GRK5: variants seen among roughly 807,000 people sequenced by gnomAD.
GRK5 encodes G protein-coupled receptor kinase 5.
Under a neutral mutation model 78.4 loss-of-function variants are expected in GRK5, and 40 were observed. The ratio of observed to expected loss-of-function variants is 0.51; its 90% confidence interval spans 0.40 to 0.66. The LOEUF is 0.66. Among genes scored for constraint, GRK5 ranks in the 30% least tolerant of loss-of-function variants. GRK5 has a pLI of 0.00. For synonymous variants in GRK5, 289 were observed against 296.8 expected, an observed-to-expected ratio of 0.97 and a Z score of 0.27; for missense variants, 598 against 759.9, an observed-to-expected ratio of 0.79 and a Z score of 2.50.
chr10:119,274,094 A>G (rs1336467114), intron 1 of GRK5, among the ~76,000 whole-genome samples: 1 of 152,164 alleles, frequency 6.6e-6, no homozygotes. Flanking sequence ...TTGTGTCATA[A>G]GTGAGAGAGC....
chr10:119,430,564 C>A lies in GRK5; in HGVS notation c.597+126C>A. The A allele has an allele frequency of 1.3e-6, 1 of 745,592 alleles. No homozygotes were observed. The highest frequency in any genetic ancestry group is 2.2e-6 in the Non-Finnish European group (1 of 447,938). 46.2% of individuals were successfully genotyped at this position (745,592 alleles called of 1,614,324 possible). A position where few individuals can be genotyped will look rare whatever the true frequency, so the allele number is the denominator to read the frequency against. ...GGGGCACCAGTGGCTCAATGTGGGCCCCGGGGGCAGTGAGGGTGGGAGAGA... is the reference window on the plus strand; with the variant it reads ...GGGGCACCAGTGGCTCAATGTGGGCACCGGGGGCAGTGAGGGTGGGAGAGA... On this transcript the variant is annotated intron_variant, in intron 7 of 15. Coordinates refer to ENST00000392870, the MANE Select transcript of GRK5 (RefSeq NM_005308.3). The surrounding 1 kb of genome is among the most constrained non-coding windows in gnomAD (Gnocchi z 4.5).
At chr10:119,265,024 G>A (rs1176741002) in intron 1 of GRK5, among the ~76,000 whole-genome samples, 5 of 152,180 alleles carry the variant, frequency 3.3e-5, no homozygotes, top group Non-Finnish European at 7.3e-5. Context: ...GCTCACAGCG[G>A]CCTCTTTGGA....
chr10:119,451,655 C>T (rs1853290069), intron 13 of GRK5, among the ~76,000 whole-genome samples: 1 of 152,216 alleles, frequency 6.6e-6, no homozygotes, highest in Admixed American at 6.5e-5. Context: ...CTGCCCGCAC[C>T]CCTGCTTCCG....
chr10:119,382,411 A>G (rs1247486524), intron 3 of GRK5, among the ~76,000 whole-genome samples: 4 of 152,190 alleles, frequency 2.6e-5, no homozygotes, highest in African/African-American at 9.7e-5. Context: ...TAGTATTTTA[A>G]TAACTTTTTA....
intron 1 of GRK5, among the ~76,000 whole-genome samples, chr10:119,243,700 A>G (rs935330054): frequency 6.6e-6 from 1 of 151,996 alleles, no homozygotes; most frequent in Non-Finnish European, 1.5e-5. Context: ...TTCTTTTCTG[A>G]AAACCAGCAG....
chr10:119,367,754 C>T (rs144853500), intron 2 of GRK5, among the ~76,000 whole-genome samples: 240 of 152,354 alleles, frequency 1.6e-3, no homozygotes, highest in African/African-American at 4.3e-3. Context: ...TGAGTGCACA[C>T]GCCAGGGCTG....
At chr10:119,277,057 T>A (rs1004802454) in intron 1 of GRK5, among the ~76,000 whole-genome samples, 6 of 152,224 alleles carry the variant, frequency 3.9e-5, no homozygotes, top group African/African-American at 7.2e-5. Flanking sequence ...AACCTCTGAA[T>A]CATGTGACCA....
chr10:119,294,862 A>G (rs1207722008), intron 1 of GRK5, among the ~76,000 whole-genome samples: 2 of 152,122 alleles, frequency 1.3e-5, no homozygotes, highest in East Asian at 3.8e-4. Context: ...GTGGTCTGCA[A>G]AGACAAAGCC....
At chr10:119,310,462 A>T (rs1850339485) in intron 1 of GRK5, among the ~76,000 whole-genome samples, 1 of 152,212 alleles carries the variant, frequency 6.6e-6, no homozygotes, top group Non-Finnish European at 1.5e-5. Flanking sequence ...TGAAAAGTCC[A>T]TTTTTGTGGC....
rs1294575598 is a variant in GRK5, at chr10:119,452,165, A to G, written c.1405-506A>G. ...GCCAGGCTCGGTGGCCAGCACTGAC[A>G]GCAGCCCCATCGCCCAGGTGCCTCG... On this transcript the variant is annotated intron_variant, in intron 13 of 15. Coordinates refer to ENST00000392870, the MANE Select transcript of GRK5 (RefSeq NM_005308.3). The surrounding 1 kb of genome is among the most constrained non-coding windows in gnomAD (Gnocchi z 4.4). Among the ~76,000 whole-genome samples the G allele has an allele frequency of 1.3e-5, 2 of 152,200 alleles. No homozygotes were observed. The highest frequency in any genetic ancestry group is 2.9e-5 in the Non-Finnish European group (2 of 68,022).
At chr10:119,299,589 G>C (rs1248179045) in intron 1 of GRK5, among the ~76,000 whole-genome samples, 1 of 152,162 alleles carries the variant, frequency 6.6e-6, no homozygotes, top group East Asian at 1.9e-4. Flanking sequence ...TGGGATGGGG[G>C]AGTTGTCCCT....
chr10:119,443,402 G>A (rs1589813634), intron 11 of GRK5, 142 bp from the exon 12 acceptor site: 2 of 690,560 alleles, frequency 2.9e-6, no homozygotes, highest in East Asian at 5.5e-5. Flanking sequence ...AGTCATCAGG[G>A]CAAGCTCCCT....
chr10:119,394,297 T>TGTGTGTGTGTGTGTGTGGGGGG (rs1851966332), intron 3 of GRK5, among the ~76,000 whole-genome samples: 1 of 5,142 alleles, frequency 1.9e-4, no homozygotes, highest in African/African-American at 4.9e-4. Context: ...TGTGTATCTG[T>TGTGTGTGTGTGTGTGTGGGGGG]GTGTCTGTGT....
intron 2 of GRK5, among the ~76,000 whole-genome samples, chr10:119,360,041 G>C (rs1013049056): frequency 7.3e-5 from 11 of 150,622 alleles, no homozygotes; most frequent in Admixed American, 6.6e-4. Flanking sequence ...GAGGTAGAGG[G>C]AGGTGGAGGG....
At position 119,292,120 on chromosome 10, in the gene GRK5, CTCTCCTCATCTTCCTCCT is replaced by C. The variant is rs1245357919; in HGVS notation, c.53-34388_53-34371del. 1.1e-3 allele frequency among the ~76,000 whole-genome samples: 72 copies of C among 65,038 alleles called. 1 individual carries two copies. The highest frequency in any genetic ancestry group is 3.1e-3 in the African/African-American group (44 of 14,124). The allele number at this position is 65,038 out of a possible 152,430, so 42.7% of individuals were successfully genotyped here. On this transcript the variant is annotated intron_variant, in intron 1 of 15. Coordinates refer to ENST00000392870, the MANE Select transcript of GRK5 (RefSeq NM_005308.3). Reference sequence around the variant, plus strand: ...CTCTTCCTCCTTCTCCTCTTCCTCCCTCTCCTCATCTTCCTCCTTCTCCTCCTCTTCCTCCTCCTCTTC... The same window carrying C: ...CTCTTCCTCCTTCTCCTCTTCCTCCCTCTCCTCCTCTTCCTCCTCCTCTTC...
chr10:119,319,955 T>C (rs560963993), intron 1 of GRK5, among the ~76,000 whole-genome samples: 62 of 152,322 alleles, frequency 4.1e-4, no homozygotes, highest in Non-Finnish European at 7.5e-4. Context: ...AAGCTTGCAA[T>C]TAAACAAGAA....
intron 1 of GRK5, among the ~76,000 whole-genome samples, chr10:119,208,917 T>G (rs778879931): frequency 6.6e-6 from 1 of 152,172 alleles, no homozygotes; most frequent in Non-Finnish European, 1.5e-5. Flanking sequence ...TTTCCTTTTT[T>G]TTTTCTGGTC....
At position 119,459,241 on chromosome 10, in the gene GRK5, G is replaced by GC. The variant is rs1270853775; in HGVS notation, c.*4177dup. On this transcript the variant is annotated 3_prime_UTR_variant, in exon 16 of 16. Transcript: ENST00000392870. ...TCTCCCAGAGACCCCTTCTGCGCCTGCCCTCCCCACCCACCACCCAGCTGT... is the reference window on the plus strand; with the variant it reads ...TCTCCCAGAGACCCCTTCTGCGCCTGCCCCTCCCCACCCACCACCCAGCTGT... 3 of 152,420 alleles carry GC rather than the reference G, an allele frequency of 2.0e-5. No homozygotes were observed. In the East Asian group the frequency reaches 5.8e-4, roughly 29 times the overall value. The allele number at this position is 152,420 out of a possible 1,614,324, so 9.4% of individuals were successfully genotyped here. A position where few individuals can be genotyped will look rare whatever the true frequency, so the allele number is the denominator to read the frequency against.
At chr10:119,433,967 T>C (rs1052232345) in intron 8 of GRK5, among the ~76,000 whole-genome samples, 3 of 152,182 alleles carry the variant, frequency 2.0e-5, no homozygotes, top group Non-Finnish European at 2.9e-5. Context: ...TGGGGAGGCC[T>C]CACAATCATG....
Sources: allele counts gnomAD v4.1 joint callset (sites outside exome capture counted in the v4.1 genomes callset), GRCh38; gene constraint gnomAD v4.1.1; non-coding constraint Gnocchi (gnomAD v3.1); transcripts MANE v1.5; gene names NCBI Gene and HGNC (gene_info 2026-07-23, HGNC 2026-07-21).